ZNF385D: variants seen among roughly 807,000 people sequenced by gnomAD.
ZNF385D encodes zinc finger protein 659.
Under a neutral mutation model 35.8 loss-of-function variants are expected in ZNF385D, and 15 were observed. That is an observed-to-expected ratio of 0.42 (90% CI 0.28 to 0.64). ZNF385D has a LOEUF of 0.64. Ranked by LOEUF, ZNF385D falls within the 30% of genes least tolerant of loss-of-function variation. The pLI is 0.23. For missense variants in ZNF385D, 474 were observed against 494.6 expected (o/e 0.96, Z 0.39); for synonymous variants, 212 against 186.8 (o/e 1.13, Z -1.10).
At chr3:21,852,311 G>C (rs1410062291) in intron 3 of ZNF385D, among the ~76,000 whole-genome samples, 2 of 151,832 alleles carry the variant, frequency 1.3e-5, no homozygotes, top group African/African-American at 4.8e-5. Flanking sequence ...ATTTAGAGAA[G>C]GTAGAAATTC....
At chr3:21,994,672 T>G (rs1349623462) in intron 3 of ZNF385D, among the ~76,000 whole-genome samples, 1 of 152,222 alleles carries the variant, frequency 6.6e-6, no homozygotes, top group Non-Finnish European at 1.5e-5. Flanking sequence ...TCTCCCAATT[T>G]TCTGGACTGG....
chr3:22,007,362 T>G (rs1696275678), intron 3 of ZNF385D, among the ~76,000 whole-genome samples: 1 of 152,238 alleles, frequency 6.6e-6, no homozygotes, highest in Non-Finnish European at 1.5e-5. Flanking sequence ...CTTGCGTAAG[T>G]CTACCATACC....
intron 2 of ZNF385D, among the ~76,000 whole-genome samples, chr3:22,337,342 T>C (rs1695218479): frequency 6.6e-6 from 1 of 152,186 alleles, no homozygotes; most frequent in South Asian, 2.1e-4. Context: ...AAGACCAGCC[T>C]GGACAACAGG....
chr3:22,269,349 C>A (rs1012771996), intron 2 of ZNF385D, among the ~76,000 whole-genome samples: 2 of 151,922 alleles, frequency 1.3e-5, no homozygotes, highest in African/African-American at 4.8e-5. Context: ...ATAAAGAGGA[C>A]ACATCTGACA....
chr3:22,361,880 A>G (rs1696424816), intron 2 of ZNF385D, among the ~76,000 whole-genome samples: 1 of 152,002 alleles, frequency 6.6e-6, no homozygotes, highest in African/African-American at 2.4e-5. Flanking sequence ...CAATAATTCC[A>G]ACAGTAACTT....
chr3:22,171,694 G>C (rs1694440482), intron 2 of ZNF385D, among the ~76,000 whole-genome samples: 1 of 151,940 alleles, frequency 6.6e-6, no homozygotes, highest in Non-Finnish European at 1.5e-5. Flanking sequence ...GGCTAACACA[G>C]TGAAATCCCG....
At chr3:22,344,174 T>TGG (rs1432585911) in intron 2 of ZNF385D, among the ~76,000 whole-genome samples, 1 of 79,478 alleles carries the variant, frequency 1.3e-5, no homozygotes, top group African/African-American at 7.5e-5. Context: ...TAGGGTGGGG[T>TGG]GGGGTGTGTG....
At chr3:21,981,187 G>A (rs748309024) in intron 3 of ZNF385D, among the ~76,000 whole-genome samples, 1 of 152,132 alleles carries the variant, frequency 6.6e-6, no homozygotes, top group African/African-American at 2.4e-5. Flanking sequence ...CCTACCAACA[G>A]TGTATAAATG....
chr3:22,315,143 G>C (rs979420852), intron 2 of ZNF385D, among the ~76,000 whole-genome samples: 1 of 152,098 alleles, frequency 6.6e-6, no homozygotes, highest in African/African-American at 2.4e-5. Context: ...CAAAGGAAAG[G>C]AGAAAAAATG....
At chr3:22,016,852 A>G (rs1473349971) in intron 3 of ZNF385D, among the ~76,000 whole-genome samples, 2 of 152,034 alleles carry the variant, frequency 1.3e-5, no homozygotes, top group Non-Finnish European at 2.9e-5. Flanking sequence ...TATAAGTGGC[A>G]AATTGTAAAA....
At position 22,350,257 on chromosome 3, in the gene ZNF385D, A is replaced by G. The variant is rs1293375234; in HGVS notation, c.106+22193T>C. 3.9e-5 allele frequency among the ~76,000 whole-genome samples: 6 copies of G among 152,114 alleles called. No homozygotes were observed. The South Asian group carries it at 1.2e-3, about 31-fold the overall frequency. On this transcript the variant is annotated intron_variant, in intron 2 of 5. Transcript: ENST00000494108. ...TGTGTCTCCACTTTGCATTGTTTTT[A>G]TGTCTTTTCACTTCAGATTCAATAA...
intron 2 of ZNF385D, among the ~76,000 whole-genome samples, chr3:22,230,644 G>A (rs534198533): frequency 1.3e-5 from 2 of 152,262 alleles, no homozygotes; most frequent in East Asian, 1.9e-4. Context: ...AATTGTTCAA[G>A]TTAGCTAGTG....
At chr3:21,683,598 G>A (rs1221555878) in intron 1 of ZNF385D, among the ~76,000 whole-genome samples, 1 of 149,268 alleles carries the variant, frequency 6.7e-6, no homozygotes, top group African/African-American at 2.5e-5. Context: ...GCCTGGGTGA[G>A]AGAGTGAGAC....
chr3:22,328,125 A>G (rs1400216389), intron 2 of ZNF385D, among the ~76,000 whole-genome samples: 2 of 151,680 alleles, frequency 1.3e-5, no homozygotes, highest in Non-Finnish European at 2.9e-5. Context: ...TACTTATTCC[A>G]TTTACATACA....
At chr3:21,621,554 C>CATGTGTGTGTGT (rs367680613) in intron 2 of ZNF385D, among the ~76,000 whole-genome samples, 2 of 136,904 alleles carry the variant, frequency 1.5e-5, no homozygotes, top group African/African-American at 5.4e-5. Context: ...AAAAAATTCC[C>CATGTGTGTGTGT]GTGTGTGTGT....
chr3:21,846,499 T>C lies in ZNF385D; in HGVS notation c.326-181471A>G, dbSNP rs77589713. Among the ~76,000 whole-genome samples the C allele has an allele frequency of 3.8e-3, 584 of 152,162 alleles. 3 individuals carry two copies. The highest frequency in any genetic ancestry group is 0.014 in the African/African-American group (567 of 41,540). ...AGCAGGTACCCAGAGTTTGCAATTATTGCTTTAGGGCTTTTTGCCATAGCT... is the reference window on the plus strand; with the variant it reads ...AGCAGGTACCCAGAGTTTGCAATTACTGCTTTAGGGCTTTTTGCCATAGCT... On this transcript the variant is annotated intron_variant, in intron 3 of 5. Transcript: ENST00000494108.
At chr3:22,168,797 A>G (rs191396666) in intron 3 of ZNF385D, 1,009 of 984,604 alleles carry the variant, frequency 1.0e-3, no homozygotes, top group Non-Finnish European at 1.2e-3. Context: ...AATTGAGAAA[A>G]TATTTTTAGA....
chr3:22,125,611 C>A (rs559583740), intron 3 of ZNF385D, among the ~76,000 whole-genome samples: 3 of 151,900 alleles, frequency 2.0e-5, no homozygotes, highest in Admixed American at 6.6e-5. Context: ...CTGGCATCAA[C>A]GTTTTATAGT....
At chr3:21,787,218 T>C (rs1409550769) in intron 3 of ZNF385D, among the ~76,000 whole-genome samples, 5 of 152,120 alleles carry the variant, frequency 3.3e-5, no homozygotes, top group Non-Finnish European at 5.9e-5. Context: ...TCTCAGATCC[T>C]CTAATCGCTC....
Sources: gnomAD v4.1 joint callset for allele counts (sites outside exome capture counted in the v4.1 genomes callset) on GRCh38, gnomAD v4.1.1 for gene constraint, MANE v1.5 for transcripts, NCBI Gene and HGNC (gene_info 2026-07-23, HGNC 2026-07-21) for gene names.